Variants in ZNF662 observed in about 807,000 individuals in gnomAD.
ZNF662 encodes zinc finger protein 662.
In ZNF662, 14 loss-of-function variants were observed where a neutral mutation model predicts 12.4. That is an observed-to-expected ratio of 1.13 (90% CI 0.75 to 1.77). ZNF662 has a LOEUF of 1.77. Among genes scored for constraint, ZNF662 ranks in the 40% most tolerant of loss-of-function variants. ZNF662 has a pLI of 0.00. For missense variants in ZNF662, 550 were observed against 515.6 expected (o/e 1.07, Z -0.65); for synonymous variants, 184 against 176.4 (o/e 1.04, Z -0.34).
At position 42,917,531 on chromosome 3, in the gene ZNF662, AGAAACTAGGTCCTTGGT is replaced by A; in HGVS notation, c.*2180_*2196del. The A allele has an allele frequency of 1.4e-6, 1 of 702,960 alleles. No homozygotes were observed. The highest frequency in any genetic ancestry group is 2.6e-6 in the Non-Finnish European group (1 of 384,974). 43.5% of individuals were successfully genotyped at this position (702,960 alleles called of 1,614,324 possible). A position where few individuals can be genotyped will look rare whatever the true frequency, so the allele number is the denominator to read the frequency against. Reference sequence around the variant, plus strand: ...CAAAGAAAACAGTGACTAAACAGAGAGAAACTAGGTCCTTGGTGACATCTTTTGAGCCACTAGACCAA... The same window carrying A: ...CAAAGAAAACAGTGACTAAACAGAGAGACATCTTTTGAGCCACTAGACCAA... On this transcript the variant is annotated 3_prime_UTR_variant, in exon 5 of 5. Coordinates refer to ENST00000440367, the MANE Select transcript of ZNF662 (RefSeq NM_207404.4).
In ZNF662 at chr3:42,913,253, G is replaced by A. The variant is rs956895035; in HGVS notation, c.204G>A (p.Glu68=). 2.5e-6 allele frequency: 4 copies of A among 1,614,074 alleles called. No individual in the cohort carries two copies. The highest frequency in any genetic ancestry group is 1.6e-4 in the Middle Eastern group (1 of 6,062). ...AGISHPEQVE[E]PLNLKLQGEG... ...TTTCCCATCCTGAGCAGGTGGAAGA[G>A]CCATTAAACCTGAAACTGCAAGGAG... The change falls in exon 4 of 5, where the codon GAG becomes GAA. Residue 68 remains glutamate, a synonymous_variant. Transcript: ENST00000440367.
intron 3 of ZNF662, among the ~76,000 whole-genome samples, chr3:42,910,072 T>C (rs935591722): frequency 1.5e-4 from 23 of 152,290 alleles, no homozygotes; most frequent in Middle Eastern, 3.4e-3. Context: ...CATTGAGCAC[T>C]GAGTGATCGA....
chr3:42,913,861 A>G (rs1381500479), intron 4 of ZNF662, among the ~76,000 whole-genome samples: 1 of 152,052 alleles, frequency 6.6e-6, no homozygotes, highest in Non-Finnish European at 1.5e-5. Flanking sequence ...AGAAGACTAT[A>G]CTTCCTTTTA....
At chr3:42,910,913 T>C (rs1447325776) in intron 3 of ZNF662, among the ~76,000 whole-genome samples, 1 of 152,248 alleles carries the variant, frequency 6.6e-6, no homozygotes, top group East Asian at 1.9e-4. Context: ...TTCATGTAAC[T>C]GGGAAGTCTG....
chr3:42,916,837 T>C lies in ZNF662; in HGVS notation c.*1483T>C, dbSNP rs942568125. ...GTCTGTCCATCCCTCACTACCATGA[T>C]AGTCTACATTCTGATAAGCTGTGAG... On this transcript the variant is annotated 3_prime_UTR_variant, in exon 5 of 5. Transcript: ENST00000440367. The C allele has an allele frequency of 6.6e-6, 1 of 152,256 alleles. No homozygotes were observed. The highest frequency in any genetic ancestry group is 2.4e-5 in the African/African-American group (1 of 41,452). The allele number at this position is 152,256 out of a possible 1,614,324, so 9.4% of individuals were successfully genotyped here.
chr3:42,915,144 C>A lies in ZNF662; in HGVS notation c.1071C>A (p.Asp357Glu). The change falls in exon 5 of 5, where the codon GAC becomes GAA. Residue 357 changes from aspartate to glutamate, a missense_variant. By Grantham distance (45) the Asp-to-Glu change is conservative. Coordinates refer to ENST00000440367, the MANE Select transcript of ZNF662 (RefSeq NM_207404.4). ...AGCACCAGAGGGTCCACACTGGGGA[C>A]AAGCCTCATGAATGTACTGACTGTG... ...LSQHQRVHTG[D>E]KPHECTDCGK... 1 of 1,614,158 alleles carries A rather than the reference C, an allele frequency of 6.2e-7. No homozygotes were observed. Among genetic ancestry groups the A allele is most frequent in the Non-Finnish European group, 8.5e-7 (1 of 1,180,028 alleles).
chr3:42,906,500 G>C lies in ZNF662; in HGVS notation c.-94+332G>C, dbSNP rs2088680987. ...GGCCCTGCCCTGGGTTCTAGGCCCG[G>C]AGACGGGGTGGTGCGGCGGCTGGGA... On this transcript the variant is annotated intron_variant, in intron 1 of 4. Coordinates refer to ENST00000440367, the MANE Select transcript of ZNF662 (RefSeq NM_207404.4). This position sits in a 1 kb window ranked among gnomAD's most constrained non-coding sequence, Gnocchi z 4.4. The C allele has an allele frequency of 1.5e-6, 2 of 1,353,838 alleles. No individual in the cohort carries two copies. Among genetic ancestry groups the C allele is most frequent in the African/African-American group, 1.5e-5 (1 of 64,758 alleles). 83.9% of individuals were successfully genotyped at this position (1,353,838 alleles called of 1,614,324 possible).
Position 42,906,505 on chromosome 3 carries a change from G to T in ZNF662, c.-94+337G>T. The T allele has an allele frequency of 1.5e-6, 2 of 1,337,394 alleles. No individual in the cohort carries two copies. The highest frequency in any genetic ancestry group is 1.9e-6 in the Non-Finnish European group (2 of 1,030,920). The allele number at this position is 1,337,394 out of a possible 1,614,324, so 82.8% of individuals were successfully genotyped here. A position where few individuals can be genotyped will look rare whatever the true frequency, so the allele number is the denominator to read the frequency against. On this transcript the variant is annotated intron_variant, in intron 1 of 4. Transcript: ENST00000440367. This position sits in a 1 kb window ranked among gnomAD's most constrained non-coding sequence, Gnocchi z 4.4. ...TGCCCTGGGTTCTAGGCCCGGAGACGGGGTGGTGCGGCGGCTGGGAAATGG... is the reference window on the plus strand; with the variant it reads ...TGCCCTGGGTTCTAGGCCCGGAGACTGGGTGGTGCGGCGGCTGGGAAATGG...
At chr3:42,909,792 C>G (rs187622764) in intron 3 of ZNF662, among the ~76,000 whole-genome samples, 2,370 of 150,818 alleles carry the variant, frequency 0.016, 65 homozygotes, top group African/African-American at 0.051. Context: ...TCCCAGATGG[C>G]GTGGCGGCGG....
chr3:42,908,793 C>A lies in ZNF662; in HGVS notation c.35C>A (p.Ala12Glu). 6.2e-7 allele frequency: 1 copy of A among 1,613,698 alleles called. No individual in the cohort carries two copies. The highest frequency in any genetic ancestry group is 8.5e-7 in the Non-Finnish European group (1 of 1,179,650). Reference protein sequence around the residue: ...LENYGAVASLAAFPFPKPALI... With the variant: ...LENYGAVASLEAFPFPKPALI... ...CCTGTCCCATTTCTTTCCTTTTAAG[C>A]AGCATTTCCATTTCCCAAACCGGCT... is the stretch of plus-strand genomic sequence containing the variant. The change falls in exon 3 of 5, where the codon GCA (alanine) becomes GAA (glutamate). Residue 12 changes from alanine to glutamate, a missense_variant and splice_region_variant. Coordinates refer to ENST00000440367, the MANE Select transcript of ZNF662 (RefSeq NM_207404.4).
At position 42,914,404 on chromosome 3, in the gene ZNF662, C is replaced by T. The variant is rs1294949658; in HGVS notation, c.331C>T (p.Leu111=). The change falls in exon 5 of 5, where the codon CTA becomes TTA. Residue 111 remains leucine (L), a synonymous_variant. Coordinates refer to ENST00000440367, the MANE Select transcript of ZNF662 (RefSeq NM_207404.4). The part of the protein sequence containing the change: ...IIEEAQDLMV[L]SSGPQWCGSQ... The stretch of plus-strand genomic sequence containing the variant: ...TGAGGAAGCACAGGACCTCATGGTC[C>T]TATCAAGTGGACCCCAGTGGTGTGG... The T allele has an allele frequency of 6.2e-7, 1 of 1,613,906 alleles. No homozygotes were observed. The highest frequency in any genetic ancestry group is 1.7e-5 in the Admixed American group (1 of 59,984).
chr3:42,913,172 C>A (rs1226961874), intron 3 of ZNF662, 29 bp from the exon 4 acceptor site: 2 of 1,552,514 alleles, frequency 1.3e-6, no homozygotes, highest in Admixed American at 1.7e-5. Context: ...CTGACTGAGT[C>A]AGCCTTATTT....
Position 42,917,659 on chromosome 3 carries a change from T to C in ZNF662, c.*2305T>C, listed in dbSNP as rs765393317. The C allele has an allele frequency of 1.5e-6, 1 of 664,570 alleles. No individual in the cohort carries two copies. Among genetic ancestry groups the C allele is most frequent in the Non-Finnish European group, 2.7e-6 (1 of 371,982 alleles). 41.2% of individuals were successfully genotyped at this position (664,570 alleles called of 1,614,324 possible). ...TCAAACGAGTTAGAGTTGAGTTTTC[T>C]GTTATTTGCAACTTAGCCACACTAA... On this transcript the variant is annotated 3_prime_UTR_variant, in exon 5 of 5. Coordinates refer to ENST00000440367, the MANE Select transcript of ZNF662 (RefSeq NM_207404.4).
rs1251808417 is a variant in ZNF662, at chr3:42,912,465, A to T, written c.152-736A>T. On this transcript the variant is annotated intron_variant, in intron 3 of 4. Coordinates refer to ENST00000440367, the MANE Select transcript of ZNF662 (RefSeq NM_207404.4). ...TTGTATATTATATATTATATGTTAT[A>T]ATATATATTTTTATATATTTAATAT... Among the ~76,000 whole-genome samples, 12 of 78,260 alleles carry T rather than the reference A, an allele frequency of 1.5e-4. 1 individual carries two copies. The South Asian group carries it at 4.5e-3, about 29-fold the overall frequency. 51.3% of individuals were successfully genotyped at this position (78,260 alleles called of 152,430 possible).
Position 42,913,234 on chromosome 3 carries a change from A to G in ZNF662, c.185A>G (p.His62Arg). 6.2e-7 allele frequency: 1 copy of G among 1,614,094 alleles called. No individual in the cohort carries two copies. Among genetic ancestry groups the G allele is most frequent in the Non-Finnish European group, 8.5e-7 (1 of 1,179,994 alleles). The part of the protein sequence containing the change: ...YPFLKPAGIS[H>R]PEQVEEPLNL... ...TTTCTAAAGCCTGCTGGGATTTCCC[A>G]TCCTGAGCAGGTGGAAGAGCCATTA... Residue 62 changes from histidine to arginine, a missense_variant, in exon 4 of 5, where the codon CAT becomes CGT. By Grantham distance (29) the His-to-Arg change is conservative. Coordinates refer to ENST00000440367, the MANE Select transcript of ZNF662 (RefSeq NM_207404.4).
rs2088678395 is a variant in ZNF662 at position 42,906,372 on chromosome 3, G to T, written c.-94+204G>T. The stretch of plus-strand genomic sequence containing the variant: ...GGGCTATGGCGGCCGTGGCGCTGGC[G>T]AGCGGGACACGCCTCGGCCTTGTCC... On this transcript the variant is annotated intron_variant, in intron 1 of 4. Transcript: ENST00000440367. The surrounding 1 kb of genome is among the most constrained non-coding windows in gnomAD (Gnocchi z 4.4). 1 of 1,526,690 alleles carries T rather than the reference G, an allele frequency of 6.6e-7. No homozygotes were observed. The highest frequency in any genetic ancestry group is 1.2e-5 in the South Asian group (1 of 83,014). The allele number at this position is 1,526,690 out of a possible 1,614,324, so 94.6% of individuals were successfully genotyped here. A position where few individuals can be genotyped will look rare whatever the true frequency, so the allele number is the denominator to read the frequency against.
rs751258817 is a variant in ZNF662, at chr3:42,914,806, G to A, written c.733G>A (p.Val245Met). The A allele has an allele frequency of 3.7e-6, 6 of 1,614,072 alleles. No homozygotes were observed. Among genetic ancestry groups the A allele is most frequent in the South Asian group, 3.3e-5 (3 of 91,064 alleles). The change falls in exon 5 of 5, where the codon GTG becomes ATG. Residue 245 changes from valine to methionine, a missense_variant. Physicochemically the swap from Val to Met is conservative, Grantham distance 21 (BLOSUM62 1). Coordinates refer to ENST00000440367, the MANE Select transcript of ZNF662 (RefSeq NM_207404.4). ...CIAHQRIHSG[V>M]KPYECQECAK... is the part of the protein sequence containing the mutation. The stretch of plus-strand genomic sequence containing the variant: ...TGCACATCAGAGAATTCACAGTGGG[G>A]TGAAACCCTATGAATGTCAAGAATG...
Position 42,906,370 on chromosome 3 carries a change from G to A in ZNF662, c.-94+202G>A. The stretch of plus-strand genomic sequence containing the variant: ...CTGGGCTATGGCGGCCGTGGCGCTG[G>A]CGAGCGGGACACGCCTCGGCCTTGT... On this transcript the variant is annotated intron_variant, in intron 1 of 4. Coordinates refer to ENST00000440367, the MANE Select transcript of ZNF662 (RefSeq NM_207404.4). The surrounding 1 kb of genome is among the most constrained non-coding windows in gnomAD (Gnocchi z 4.4). 2 of 1,526,968 alleles carry A rather than the reference G, an allele frequency of 1.3e-6. No homozygotes were observed. Among genetic ancestry groups the A allele is most frequent in the South Asian group, 1.2e-5 (1 of 83,088 alleles). The allele number at this position is 1,526,968 out of a possible 1,614,324, so 94.6% of individuals were successfully genotyped here.
chr3:42,912,235 T>A (rs937753727), intron 3 of ZNF662, among the ~76,000 whole-genome samples: 89 of 132,904 alleles, frequency 6.7e-4, no homozygotes, highest in Non-Finnish European at 1.2e-3. Context: ...AAAATATATA[T>A]AAATATATAA....
Sources: allele counts gnomAD v4.1 joint callset (sites outside exome capture counted in the v4.1 genomes callset), GRCh38; gene constraint gnomAD v4.1.1; non-coding constraint Gnocchi (gnomAD v3.1); transcripts MANE v1.5; gene names NCBI Gene and HGNC (gene_info 2026-07-23, HGNC 2026-07-21).